Variants in VGLL4 observed in about 807,000 individuals in gnomAD.
VGLL4 encodes the protein vestigial like family member 4.
In VGLL4, 7 loss-of-function variants were observed where a neutral mutation model predicts 21.0. The ratio of observed to expected loss-of-function variants is 0.33; its 90% CI spans 0.19 to 0.63. VGLL4 has a LOEUF of 0.63. Among genes scored for constraint, VGLL4 ranks in the 20% least tolerant of loss-of-function variants. VGLL4 has a pLI of 0.78. For synonymous variants in VGLL4, 222 were observed against 173.2 expected, an observed-to-expected ratio of 1.28 and a Z score of -2.21; for missense variants, 394 against 425.7, an observed-to-expected ratio of 0.93 and a Z score of 0.66.
intron 2 of VGLL4, among the ~76,000 whole-genome samples, chr3:11,570,415 T>C (rs1196862941): frequency 6.6e-6 from 1 of 152,200 alleles, no homozygotes; most frequent in Non-Finnish European, 1.5e-5. Flanking sequence ...GCTGGCTTTC[T>C]CAGTCAGTAA....
intron 1 of VGLL4, among the ~76,000 whole-genome samples, chr3:11,635,725 T>C (rs1441098114): frequency 6.6e-6 from 1 of 152,194 alleles, no homozygotes; most frequent in Non-Finnish European, 1.5e-5. Context: ...CTCCAGAAAC[T>C]GGTGTTAACT....
intron 1 of VGLL4, among the ~76,000 whole-genome samples, chr3:11,706,841 G>C (rs554485358): frequency 3.9e-5 from 6 of 152,200 alleles, no homozygotes; most frequent in African/African-American, 1.4e-4. Context: ...TGACTAGCTA[G>C]AACTGAAAAT....
chr3:11,610,911 G>T (rs2075048868), intron 1 of VGLL4, among the ~76,000 whole-genome samples: 1 of 152,194 alleles, frequency 6.6e-6, no homozygotes, highest in Non-Finnish European at 1.5e-5. Flanking sequence ...CTGTGAGGGA[G>T]GCGGGGAAGA....
intron 2 of VGLL4, among the ~76,000 whole-genome samples, 182 bp downstream of exon 2, chr3:11,601,651 G>T (rs1056939782): frequency 6.6e-6 from 1 of 152,188 alleles, no homozygotes; most frequent in East Asian, 1.9e-4. Context: ...ACCTCACCGC[G>T]AGTTATCAAA....
intron 2 of VGLL4, among the ~76,000 whole-genome samples, chr3:11,658,017 C>T (rs1017334752): frequency 0.46 from 168 of 368 alleles, 1 homozygote; most frequent in Non-Finnish European, 0.46. Flanking sequence ...CCTCAACCTC[C>T]GGGACTTTAA....
chr3:11,579,040 A>G (rs961921720), intron 2 of VGLL4, among the ~76,000 whole-genome samples: 2 of 151,926 alleles, frequency 1.3e-5, no homozygotes, highest in African/African-American at 4.8e-5. Context: ...GAGCCACTGC[A>G]CCTGGCCTCT....
upstream of VGLL4, among the ~76,000 whole-genome samples, chr3:11,644,601 T>C (rs1225025153): frequency 2.0e-5 from 3 of 152,110 alleles, no homozygotes; most frequent in Non-Finnish European, 4.4e-5. Context: ...CTCACACCTG[T>C]AATCCTAGTC....
At chr3:11,623,341 G>A (rs891161701) in intron 1 of VGLL4, among the ~76,000 whole-genome samples, 1 of 152,146 alleles carries the variant, frequency 6.6e-6, no homozygotes, top group Non-Finnish European at 1.5e-5. Flanking sequence ...CAGGGGATTG[G>A]TTCCAGGAAT....
chr3:11,666,350 G>C (rs777264701), intron 2 of VGLL4, among the ~76,000 whole-genome samples: 1 of 152,280 alleles, frequency 6.6e-6, no homozygotes, highest in Non-Finnish European at 1.5e-5. Flanking sequence ...TCATGGAAGA[G>C]CCACAGTTCT....
chr3:11,558,673 G>T lies in VGLL4; in HGVS notation c.774C>A (p.Ile258=). The T allele has an allele frequency of 6.2e-7, 1 of 1,613,586 alleles. No homozygotes were observed. The highest frequency in any genetic ancestry group is 8.5e-7 in the Non-Finnish European group (1 of 1,180,030). Residue 258 remains isoleucine, a synonymous_variant, in exon 5 of 5, where the codon ATC becomes ATA. Transcript: ENST00000430365. ...AKALGDTWLQ[I]KAAKDGASSS... The stretch of plus-strand genomic sequence containing the variant: ...TGGATGCTCCGTCCTTGGCCGCTTT[G>T]ATCTGGAGCCACGTGTCACCCAGAG...
intron 2 of VGLL4, among the ~76,000 whole-genome samples, chr3:11,682,539 T>C (rs1015510801): frequency 1.3e-5 from 2 of 151,750 alleles, no homozygotes; most frequent in African/African-American, 4.8e-5. Flanking sequence ...GATCTCACAA[T>C]TGCACTCCAG....
intron 1 of VGLL4, among the ~76,000 whole-genome samples, chr3:11,711,933 C>T (rs2076852375): frequency 6.6e-6 from 1 of 152,142 alleles, no homozygotes; most frequent in African/African-American, 2.4e-5. Flanking sequence ...CTGGTGGCGA[C>T]ATGCAAGCAC....
At chr3:11,683,723 G>A (rs2076407810) in intron 2 of VGLL4, among the ~76,000 whole-genome samples, 1 of 151,960 alleles carries the variant, frequency 6.6e-6, no homozygotes, top group Non-Finnish European at 1.5e-5. Context: ...CAACCCAGGA[G>A]GCAGAGTTTG....
intron 1 of VGLL4, among the ~76,000 whole-genome samples, chr3:11,608,113 A>C (rs1219114853): frequency 6.6e-6 from 1 of 152,208 alleles, no homozygotes; most frequent in African/African-American, 2.4e-5. Context: ...TGGTCTGGCA[A>C]TTGAAAAAGG....
chr3:11,644,861 AAAG>A, upstream of VGLL4, among the ~76,000 whole-genome samples: 1 of 151,752 alleles, frequency 6.6e-6, no homozygotes, highest in Non-Finnish European at 1.5e-5. Flanking sequence ...AAAAAAAAAA[AAAG>A]AAAAGAAAAA....
chr3:11,663,277 G>A lies in VGLL4; in HGVS notation c.64+39694C>T, dbSNP rs146633917. ...CTAGAGGTTCCTTTTTAGCAGGGCC[G>A]GGGAAGTGGTACAATAAAAACAAAG... On this transcript the variant is annotated intron_variant, in intron 2 of 5. Transcript: ENST00000273038. Among the ~76,000 whole-genome samples the A allele has an allele frequency of 1.8e-4, 27 of 152,260 alleles. No individual in the cohort carries two copies. The East Asian group carries it at 1.9e-3, about 11-fold the overall frequency.
intron 1 of VGLL4, among the ~76,000 whole-genome samples, chr3:11,635,608 T>C (rs1205944115): frequency 6.6e-6 from 1 of 152,192 alleles, no homozygotes; most frequent in African/African-American, 2.4e-5. Flanking sequence ...AAGAGCGCAA[T>C]GCTTGATGTC....
chr3:11,585,429 T>C (rs1390925113), intron 2 of VGLL4, among the ~76,000 whole-genome samples: 2 of 143,606 alleles, frequency 1.4e-5, no homozygotes, highest in Non-Finnish European at 3.0e-5. Context: ...TGAGATTCCA[T>C]CTTAAAAAAA....
intron 1 of VGLL4, among the ~76,000 whole-genome samples, chr3:11,704,409 AAAAAG>A (rs1158440793): frequency 6.7e-6 from 1 of 149,958 alleles, no homozygotes; most frequent in Admixed American, 6.6e-5. Flanking sequence ...AAAAAAAGAA[AAAAAG>A]AAAAGAAAAG....
Sources: allele counts gnomAD v4.1 joint callset (sites outside exome capture counted in the v4.1 genomes callset), GRCh38; gene constraint gnomAD v4.1.1; transcripts MANE v1.5; gene names NCBI Gene and HGNC (gene_info 2026-07-23, HGNC 2026-07-21).